CNTN5: variants seen among roughly 807,000 people sequenced by gnomAD.
CNTN5 encodes contactin-5.
A neutral mutation model predicts 129.1 loss-of-function variants in CNTN5; 77 were observed. The ratio of observed to expected loss-of-function variants is 0.60; its 90% CI spans 0.50 to 0.72. CNTN5 has a LOEUF of 0.72. CNTN5 is among the 30% of genes least tolerant of loss of function. The probability of loss-of-function intolerance (pLI) is 0.00; values close to 1 mark genes in which losing one functional copy is unlikely to be tolerated. For missense variants in CNTN5, 1,478 were observed against 1,328.8 expected (o/e 1.11, Z -1.75); for synonymous variants, 509 against 465.6 (o/e 1.09, Z -1.20).
At position 100,236,735 on chromosome 11, in the gene CNTN5, C is replaced by G. The variant is rs769302502; in HGVS notation, c.2005+11923C>G. Among the ~76,000 whole-genome samples, 25 of 152,146 alleles carry G rather than the reference C, an allele frequency of 1.6e-4. 1 individual carries two copies. Among genetic ancestry groups the G allele is most frequent in the Admixed American group, 3.3e-4 (5 of 15,278 alleles). On this transcript the variant is annotated intron_variant, in intron 16 of 24. Coordinates refer to ENST00000524871, the MANE Select transcript of CNTN5 (RefSeq NM_014361.4). ...TGCCTTCAGCTATTCTCCCCCGAAG[C>G]TATGCAGAGCCTTCTGGCCTTTCAG...
At chr11:99,278,623 T>A (rs1863556743) in intron 1 of CNTN5, among the ~76,000 whole-genome samples, 1 of 151,628 alleles carries the variant, frequency 6.6e-6, no homozygotes, top group South Asian at 2.1e-4. Flanking sequence ...GCTTTATGTA[T>A]GTTTATTTTG....
intron 13 of CNTN5, among the ~76,000 whole-genome samples, chr11:100,078,515 T>C (rs964430475): frequency 2.0e-5 from 3 of 152,152 alleles, no homozygotes; most frequent in Non-Finnish European, 4.4e-5. Flanking sequence ...ATAATGATGA[T>C]GACTGCTTAT....
chr11:100,158,129 A>G (rs1947319355), intron 13 of CNTN5, among the ~76,000 whole-genome samples: 1 of 151,810 alleles, frequency 6.6e-6, no homozygotes, highest in African/African-American at 2.4e-5. Context: ...AAGTGCCAAG[A>G]CAAACTCAGA....
intron 1 of CNTN5, among the ~76,000 whole-genome samples, chr11:99,200,312 C>T (rs1233596123): frequency 6.6e-6 from 1 of 152,132 alleles, no homozygotes. Flanking sequence ...ATATAGCTCT[C>T]TTAGATATTT....
intron 1 of CNTN5, among the ~76,000 whole-genome samples, chr11:99,114,793 G>T (rs1181160676): frequency 6.6e-6 from 1 of 152,080 alleles, no homozygotes; most frequent in Admixed American, 6.6e-5. Flanking sequence ...TATATGAGAG[G>T]TTGTCATAAG....
In CNTN5 at chr11:100,116,508, G is replaced by GA. The variant is rs1006213269; in HGVS notation, c.1580+42225dup. ...CTGGCTTGATTACCAGAGGGAATTA[G>GA]AAAAAAAAAAAGACTTTTTAATGAA... is the stretch of plus-strand genomic sequence containing the variant. On this transcript the variant is annotated intron_variant, in intron 13 of 24. Coordinates refer to ENST00000524871, the MANE Select transcript of CNTN5 (RefSeq NM_014361.4). Among the ~76,000 whole-genome samples the GA allele has an allele frequency of 8.1e-3, 1,080 of 133,878 alleles. 9 individuals carry two copies. The highest frequency in any genetic ancestry group is 0.023 in the African/African-American group (844 of 36,782). 87.8% of individuals were successfully genotyped at this position (133,878 alleles called of 152,430 possible).
At chr11:99,091,442 A>G (rs1866247129) in intron 1 of CNTN5, among the ~76,000 whole-genome samples, 1 of 152,222 alleles carries the variant, frequency 6.6e-6, no homozygotes, top group African/African-American at 2.4e-5. Context: ...ACAAGGAACC[A>G]AGACGAACCC....
At chr11:99,024,890 G>A (rs995735466) in intron 1 of CNTN5, among the ~76,000 whole-genome samples, 2 of 151,866 alleles carry the variant, frequency 1.3e-5, no homozygotes, top group East Asian at 1.9e-4. Flanking sequence ...TTCATTTCCT[G>A]TGTATTTCTT....
intron 2 of CNTN5, among the ~76,000 whole-genome samples, chr11:99,475,441 A>G (rs1945334333): frequency 6.6e-6 from 1 of 152,172 alleles, no homozygotes; most frequent in African/African-American, 2.4e-5. Context: ...AACTACCAAC[A>G]TAGGCCATCA....
At chr11:100,326,254 G>T (rs896465617) in intron 21 of CNTN5, among the ~76,000 whole-genome samples, 1 of 152,042 alleles carries the variant, frequency 6.6e-6, no homozygotes, top group Non-Finnish European at 1.5e-5. Context: ...AATAGATTTG[G>T]CTCATACATA....
chr11:100,076,091 C>CAAAAA (rs1944115885), intron 13 of CNTN5, among the ~76,000 whole-genome samples: 1 of 152,054 alleles, frequency 6.6e-6, no homozygotes, highest in Non-Finnish European at 1.5e-5. Flanking sequence ...TGGATTTTTG[C>CAAAAA]TCACAACACT....
chr11:99,983,809 A>C (rs886977295), intron 8 of CNTN5, among the ~76,000 whole-genome samples: 14 of 152,200 alleles, frequency 9.2e-5, no homozygotes, highest in African/African-American at 2.9e-4. Context: ...TGGGGGTTCA[A>C]AGGATAAATT....
intron 1 of CNTN5, among the ~76,000 whole-genome samples, chr11:99,248,981 GTT>G (rs1384164453): frequency 6.6e-6 from 1 of 152,024 alleles, no homozygotes; most frequent in Non-Finnish European, 1.5e-5. Context: ...CTTGAAAGTA[GTT>G]TTTTTCCAAT....
rs898456928 is a variant in CNTN5 at position 99,916,086 on chromosome 11, G to C, written c.610G>C (p.Ala204Pro). The C allele has an allele frequency of 2.5e-6, 4 of 1,612,378 alleles. No individual in the cohort carries two copies. Among genetic ancestry groups the C allele is most frequent in the Non-Finnish European group, 3.4e-6 (4 of 1,179,174 alleles). ...LGNFSGRTRSAVSVREGQGVV... is the reference protein window; with the variant it reads ...LGNFSGRTRSPVSVREGQGVV... ...AAATTTTAGTGGCCGGACAAGAAGT[G>C]CAGTCTCTGTGAGGGAAGGCCAGGG... Residue 204 changes from alanine (A) to proline (P), a missense_variant, in exon 7 of 25, where the codon GCA (alanine) becomes CCA (proline). Transcript: ENST00000524871.
chr11:100,129,765 T>G (rs1304476630), intron 13 of CNTN5, among the ~76,000 whole-genome samples: 2 of 152,154 alleles, frequency 1.3e-5, no homozygotes, highest in Non-Finnish European at 2.9e-5. Flanking sequence ...ATTCACACTC[T>G]TTTCTCATAA....
Position 99,155,656 on chromosome 11 carries a change from TA to T in CNTN5, c.-210+134397del, listed in dbSNP as rs538026440. ...GTTGCTAGGCTGGCATCATTTAACT[TA>T]AAAAAAAAAACTAGTAAGTGAAGCC... On this transcript the variant is annotated intron_variant, in intron 1 of 24. Coordinates refer to ENST00000524871, the MANE Select transcript of CNTN5 (RefSeq NM_014361.4). Among the ~76,000 whole-genome samples the T allele has an allele frequency of 3.1e-3, 461 of 146,636 alleles. 3 individuals are homozygous for T. The highest frequency in any genetic ancestry group is 0.015 in the East Asian group (76 of 5,074).
At chr11:99,771,957 G>A (rs1944960857) in intron 3 of CNTN5, among the ~76,000 whole-genome samples, 1 of 151,190 alleles carries the variant, frequency 6.6e-6, no homozygotes, top group Non-Finnish European at 1.5e-5. Flanking sequence ...TGAGTGTCTG[G>A]GAGAAAAAAA....
intron 18 of CNTN5, among the ~76,000 whole-genome samples, chr11:100,291,230 C>A (rs902024807): frequency 1.3e-5 from 2 of 151,100 alleles, no homozygotes; most frequent in Admixed American, 1.3e-4. Flanking sequence ...ACTAGAAATA[C>A]CATTTGACCC....
intron 2 of CNTN5, among the ~76,000 whole-genome samples, chr11:99,457,734 G>T (rs948812231): frequency 6.6e-6 from 1 of 151,574 alleles, no homozygotes; most frequent in African/African-American, 2.4e-5. Context: ...AAATTAGATT[G>T]TTATATTATT....
Sources: gnomAD v4.1 joint callset for allele counts (sites outside exome capture counted in the v4.1 genomes callset) on GRCh38, gnomAD v4.1.1 for gene constraint, MANE v1.5 for transcripts, NCBI Gene and HGNC (gene_info 2026-07-23, HGNC 2026-07-21) for gene names.